The following CAPN8 variants were observed in gnomAD, a reference collection of about 807,000 sequenced individuals.
The protein encoded by CAPN8 is calpain-8.
CAPN8 carries 87 observed loss-of-function variants against 80.9 expected under a neutral mutation model. The ratio of observed to expected loss-of-function variants is 1.07; its 90% confidence interval spans 0.90 to 1.28. CAPN8 has a LOEUF of 1.28. Among genes scored for constraint, CAPN8 ranks in the 50% most tolerant of loss-of-function variants. CAPN8 has a pLI of 0.00. For synonymous variants in CAPN8, 299 were observed against 273.8 expected, an observed-to-expected ratio of 1.09 and a Z score of -0.91; for missense variants, 757 against 702.0, an observed-to-expected ratio of 1.08 and a Z score of -0.89.
chr1:223,542,986 C>T (rs1334699428), intron 20 of CAPN8, 122 bp downstream of exon 20: 1 of 1,052,980 alleles, frequency 9.5e-7, no homozygotes, highest in Non-Finnish European at 1.4e-6. Context: ...TGCCACAGAA[C>T]ATGCATGGTA....
intron 13 of CAPN8, 93 bp from the exon 14 acceptor site, chr1:223,553,993 C>A (rs926676268): frequency 1.8e-4 from 70 of 397,028 alleles, no homozygotes; most frequent in Non-Finnish European, 3.0e-4. Context: ...CCATTAGTAT[C>A]TATGATGCAC....
intron 2 of CAPN8, among the ~76,000 whole-genome samples, chr1:223,652,575 C>A (rs1032645025): frequency 3.9e-5 from 6 of 152,106 alleles, no homozygotes; most frequent in African/African-American, 1.4e-4. Context: ...TGTTCAGGAC[C>A]AGCCCTGACT....
chr1:223,665,283 G>T, intron 1 of CAPN8, 127 bp downstream of exon 1: 1 of 710,028 alleles, frequency 1.4e-6, no homozygotes. Flanking sequence ...GGTGGTGGTG[G>T]AGGGATCTGA....
At position 223,665,663 on chromosome 1, in the gene CAPN8, G is replaced by A; in HGVS notation, c.-17C>T. The A allele has an allele frequency of 1.3e-6, 2 of 1,545,648 alleles. No individual in the cohort carries two copies. Among genetic ancestry groups the A allele is most frequent in the Non-Finnish European group, 1.8e-6 (2 of 1,142,480 alleles). On this transcript the variant is annotated 5_prime_UTR_variant, in exon 1 of 21. Transcript: ENST00000366872. ...GGCTGCCATGGCCGTGGGCTCTGTA[G>A]GGTGGACAGAAGGGCAGGGCTGCAC...
At chr1:223,618,071 A>T (rs1450597088) in intron 9 of CAPN8, 1 of 667,644 alleles carries the variant, frequency 1.5e-6, no homozygotes, top group Non-Finnish European at 2.6e-6. Context: ...GAGCTCTGTC[A>T]TGAGAAGAAA....
intron 5 of CAPN8, 78 bp downstream of exon 5, chr1:223,626,911 C>T (rs551976020): frequency 2.5e-5 from 37 of 1,460,490 alleles, no homozygotes; most frequent in East Asian, 2.5e-4. Flanking sequence ...GCCTCTCTCC[C>T]GCTGTCTCAT....
intron 2 of CAPN8, 97 bp from the exon 3 acceptor site, chr1:223,628,877 C>T (rs1193571758): frequency 2.3e-6 from 2 of 864,062 alleles, no homozygotes; most frequent in African/African-American, 3.4e-5. Flanking sequence ...GTCCACGTTG[C>T]CACATTCCCT....
chr1:223,612,591 T>C (rs189073652), intron 10 of CAPN8, among the ~76,000 whole-genome samples: 3 of 152,182 alleles, frequency 2.0e-5, no homozygotes, highest in African/African-American at 7.2e-5. Flanking sequence ...AATCTCTTCT[T>C]CAGACCTACA....
At chr1:223,553,704 G>A in intron 14 of CAPN8, 128 bp downstream of exon 14, 1 of 397,608 alleles carries the variant, frequency 2.5e-6, no homozygotes, top group Non-Finnish European at 4.4e-6. Flanking sequence ...ACAGAAGCTG[G>A]GGGCCCCTGA....
chr1:223,638,287 G>A (rs533955421), intron 2 of CAPN8, among the ~76,000 whole-genome samples: 7 of 152,256 alleles, frequency 4.6e-5, no homozygotes, highest in African/African-American at 1.4e-4. Flanking sequence ...AGGGACTTGA[G>A]CATCTGTGGA....
intron 13 of CAPN8, among the ~76,000 whole-genome samples, chr1:223,557,515 G>A (rs907311979): frequency 0.061 from 9,332 of 152,142 alleles, 315 homozygotes; most frequent in South Asian, 0.095. Flanking sequence ...CCCATCATCC[G>A]CCACACCCAC....
At chr1:223,548,443 T>C (rs563831393) in intron 16 of CAPN8, among the ~76,000 whole-genome samples, 13 of 152,328 alleles carry the variant, frequency 8.5e-5, no homozygotes, top group African/African-American at 2.9e-4. Flanking sequence ...CTCCAAAATT[T>C]GTATGCTGAA....
chr1:223,623,068 A>T (rs572100344), intron 6 of CAPN8, among the ~76,000 whole-genome samples, 168 bp from the exon 7 acceptor site: 14 of 152,348 alleles, frequency 9.2e-5, no homozygotes, highest in African/African-American at 2.9e-4. Flanking sequence ...GTGTTTTCAT[A>T]ATTTGTTTGA....
At chr1:223,617,561 A>C (rs1020238325) in intron 9 of CAPN8, 1 of 152,190 alleles carries the variant, frequency 6.6e-6, no homozygotes, top group African/African-American at 2.4e-5. Flanking sequence ...TCCCAAAATG[A>C]TCCATGCAAA....
chr1:223,633,107 G>A (rs1172266012), intron 2 of CAPN8, among the ~76,000 whole-genome samples: 2 of 152,184 alleles, frequency 1.3e-5, no homozygotes, highest in Non-Finnish European at 1.5e-5. Flanking sequence ...TGGGCTGTCT[G>A]CCTCTAGTTT....
chr1:223,615,783 G>A (rs1657154326), intron 10 of CAPN8, 187 bp downstream of exon 10: 2 of 725,322 alleles, frequency 2.8e-6, no homozygotes, highest in Middle Eastern at 2.3e-4. Flanking sequence ...TTAAGCCATA[G>A]GAATGAATCT....
chr1:223,558,552 C>T (rs1338993371), intron 12 of CAPN8, among the ~76,000 whole-genome samples: 2 of 152,114 alleles, frequency 1.3e-5, no homozygotes, highest in African/African-American at 4.8e-5. Flanking sequence ...ACAGCCCTTG[C>T]AGGTGTGCAT....
rs994522390 is a variant in CAPN8 at position 223,624,162 on chromosome 1, G to A, written c.814-1262C>T. Among the ~76,000 whole-genome samples, 6 of 152,204 alleles carry A rather than the reference G, an allele frequency of 3.9e-5. No homozygotes were observed. The South Asian group carries it at 1.2e-3, about 32-fold the overall frequency. On this transcript the variant is annotated intron_variant, in intron 6 of 20. Transcript: ENST00000366872. ...GTGCAATCACTGCAGGCTCTCAAGC[G>A]CCTGCCCGGGCTCAAGCGATCCTCC...
At position 223,629,107 on chromosome 1, in the gene CAPN8, G is replaced by C. The variant is rs148230517; in HGVS notation, c.308-327C>G. The C allele has an allele frequency of 1.3e-3, 407 of 315,130 alleles. 4 individuals carry two copies. The highest frequency in any genetic ancestry group is 8.3e-3 in the African/African-American group (393 of 47,318). 19.5% of individuals were successfully genotyped at this position (315,130 alleles called of 1,614,324 possible). ...GAGGAGAGAAAAGAAAAGAAAATTA[G>C]TCCCTTTGGTCCCTTATTAGCAGCT... is the stretch of plus-strand genomic sequence containing the variant. On this transcript the variant is annotated intron_variant, in intron 2 of 20. Coordinates refer to ENST00000366872, the MANE Select transcript of CAPN8 (RefSeq NM_001143962.2).
Sources: gnomAD v4.1 joint callset for allele counts (sites outside exome capture counted in the v4.1 genomes callset) on GRCh38, gnomAD v4.1.1 for gene constraint, MANE v1.5 for transcripts, NCBI Gene and HGNC (gene_info 2026-07-23, HGNC 2026-07-21) for gene names.